The following XKR9 variants were observed in gnomAD, a reference collection of about 807,000 sequenced individuals.
XKR9 encodes the protein XK-related protein 9.
A neutral mutation model predicts 32.0 loss-of-function variants in XKR9; 32 were observed. That is an observed-to-expected ratio of 1.00 (90% CI 0.76 to 1.34). The LOEUF (loss-of-function observed/expected upper bound fraction) is 1.34. Ranked by LOEUF, XKR9 falls within the 40% of genes most tolerant of loss-of-function variation. XKR9 has a pLI of 0.00. For synonymous variants in XKR9, 168 were observed against 143.4 expected (o/e 1.17, Z -1.22); for missense variants, 546 against 429.7 (o/e 1.27, Z -2.39).
chr8:70,814,661 A>G, the XKR9 span, among the ~76,000 whole-genome samples: 3 of 152,134 alleles, frequency 2.0e-5, no homozygotes, highest in Non-Finnish European at 4.4e-5. Context: ...AAATGTGGAA[A>G]AGTTTCCTCT....
chr8:70,696,454 G>T (rs1221494041), intron 3 of XKR9, among the ~76,000 whole-genome samples: 3 of 151,134 alleles, frequency 2.0e-5, no homozygotes, highest in Non-Finnish European at 4.4e-5. Flanking sequence ...TTTCCCCATT[G>T]CTTGTTTTTG....
Position 70,724,372 on chromosome 8 carries a change from C to G in XKR9, c.494-9424C>G, listed in dbSNP as rs1586859552. Among the ~76,000 whole-genome samples, 6 of 152,034 alleles carry G rather than the reference C, an allele frequency of 3.9e-5. No individual in the cohort carries two copies. In the South Asian group the frequency reaches 1.2e-3, roughly 32 times the overall value. On this transcript the variant is annotated intron_variant, in intron 4 of 4. Transcript: ENST00000408926. Reference sequence around the variant, plus strand: ...CCACTTGGCTCCCTGGCTTCAGTTCCCTTTCCAGGGGAGTGAACAGTTCTG... The same window carrying G: ...CCACTTGGCTCCCTGGCTTCAGTTCGCTTTCCAGGGGAGTGAACAGTTCTG...
chr8:70,849,049 T>G, the XKR9 span, among the ~76,000 whole-genome samples: 1 of 151,940 alleles, frequency 6.6e-6, no homozygotes, highest in Non-Finnish European at 1.5e-5. Context: ...AGACAGAAAA[T>G]TAACAAGGAT....
the XKR9 span, among the ~76,000 whole-genome samples, chr8:70,816,515 A>G: frequency 6.6e-6 from 1 of 152,224 alleles, no homozygotes. Context: ...AAGATTGACT[A>G]AAGAAAATGT....
the XKR9 span, among the ~76,000 whole-genome samples, chr8:70,922,339 ATAG>A: frequency 3.6e-4 from 55 of 152,326 alleles, no homozygotes; most frequent in African/African-American, 1.3e-3. Context: ...TGTATGTACC[ATAG>A]TTTGTTGAGC....
chr8:70,682,605 T>C (rs1326843561), intron 3 of XKR9, among the ~76,000 whole-genome samples: 1 of 152,212 alleles, frequency 6.6e-6, no homozygotes, highest in Non-Finnish European at 1.5e-5. Context: ...GCTACTGTTT[T>C]GCTTTTTCTC....
the XKR9 span, among the ~76,000 whole-genome samples, chr8:70,920,703 A>AT: frequency 3.5e-4 from 53 of 151,412 alleles, no homozygotes; most frequent in African/African-American, 1.2e-3. Context: ...TATATTTTTT[A>AT]TTTTTTTCCT....
the XKR9 span, among the ~76,000 whole-genome samples, chr8:70,860,557 A>G: frequency 6.6e-6 from 1 of 152,020 alleles, no homozygotes; most frequent in African/African-American, 2.4e-5. Flanking sequence ...TTTTTTATAT[A>G]AATTATTGAT....
the XKR9 span, among the ~76,000 whole-genome samples, chr8:70,900,034 A>T: frequency 6.6e-6 from 1 of 151,790 alleles, no homozygotes; most frequent in African/African-American, 2.4e-5. Flanking sequence ...ATTTTTCCAC[A>T]CTCATTGCTT....
the XKR9 span, among the ~76,000 whole-genome samples, chr8:71,007,778 A>G: frequency 0.43 from 65,639 of 151,892 alleles, 15,274 homozygotes; most frequent in Non-Finnish European, 0.53. Flanking sequence ...TGAGAATATG[A>G]TTTTTTAAAT....
chr8:70,899,972 A>G, the XKR9 span, among the ~76,000 whole-genome samples: 1 of 152,222 alleles, frequency 6.6e-6, no homozygotes, highest in African/African-American at 2.4e-5. Context: ...ATGTGCATAC[A>G]CAATTAGCAT....
chr8:70,953,107 A>C, the XKR9 span, among the ~76,000 whole-genome samples: 3 of 152,200 alleles, frequency 2.0e-5, no homozygotes, highest in Admixed American at 6.5e-5. Flanking sequence ...TGTGAGAAGT[A>C]CTGCAGCAAA....
intron 4 of XKR9, among the ~76,000 whole-genome samples, chr8:70,732,981 G>T (rs1251647306): frequency 6.6e-6 from 1 of 152,182 alleles, no homozygotes; most frequent in Non-Finnish European, 1.5e-5. Context: ...AGCTTGGTGT[G>T]GTGGCATGGG....
the XKR9 span, among the ~76,000 whole-genome samples, chr8:71,024,931 A>G: frequency 2.0e-5 from 3 of 152,250 alleles, no homozygotes; most frequent in Non-Finnish European, 1.5e-5. Flanking sequence ...GACAGAGTCC[A>G]GTGCCTCTAT....
At chr8:70,726,411 C>T (rs1288696352) in intron 4 of XKR9, among the ~76,000 whole-genome samples, 1 of 152,208 alleles carries the variant, frequency 6.6e-6, no homozygotes, top group Non-Finnish European at 1.5e-5. Context: ...AGACCTCTTA[C>T]TTGGTTCAGC....
At chr8:70,816,117 T>A in the XKR9 span, among the ~76,000 whole-genome samples, 1 of 151,824 alleles carries the variant, frequency 6.6e-6, no homozygotes, top group African/African-American at 2.4e-5. Flanking sequence ...CAAAACTGTA[T>A]CTAAAAAAAC....
chr8:71,023,993 C>G, the XKR9 span, among the ~76,000 whole-genome samples: 1 of 152,044 alleles, frequency 6.6e-6, no homozygotes, highest in African/African-American at 2.4e-5. Context: ...CCCTTGGTAA[C>G]CAATAGAGTG....
the XKR9 span, among the ~76,000 whole-genome samples, chr8:70,886,607 T>C: frequency 1.6e-4 from 24 of 152,202 alleles, no homozygotes; most frequent in African/African-American, 5.8e-4. Context: ...TGGTATCTCA[T>C]TGTGGTTTTG....
the XKR9 span, among the ~76,000 whole-genome samples, chr8:70,928,997 C>T: frequency 6.6e-6 from 1 of 152,158 alleles, no homozygotes; most frequent in Non-Finnish European, 1.5e-5. Context: ...TCTTAGTTCC[C>T]TTTTGCTTCT....
Sources: gnomAD v4.1 joint callset for allele counts (sites outside exome capture counted in the v4.1 genomes callset) on GRCh38, gnomAD v4.1.1 for gene constraint, MANE v1.5 for transcripts, NCBI Gene and HGNC (gene_info 2026-07-23, HGNC 2026-07-21) for gene names.